The following RHOT1 variants were observed in gnomAD, a reference collection of about 807,000 sequenced individuals.
RHOT1 encodes ras homolog family member T1.
Under a neutral mutation model 95.3 loss-of-function variants are expected in RHOT1, and 27 were observed. The ratio of observed to expected loss-of-function variants is 0.28; its 90% CI spans 0.21 to 0.39. The LOEUF (loss-of-function observed/expected upper bound fraction) is 0.39. Ranked by LOEUF, RHOT1 falls within the 10% of genes least tolerant of loss-of-function variation. The probability of loss-of-function intolerance (pLI) is 1.00; values close to 1 mark genes in which losing one functional copy is unlikely to be tolerated. For synonymous variants in RHOT1, 227 were observed against 263.5 expected (o/e 0.86, Z 1.34); for missense variants, 578 against 786.7 (o/e 0.73, Z 3.17).
Position 32,211,284 on chromosome 17 carries a change from A to C in RHOT1, c.1862+46A>C, listed in dbSNP as rs200985563. On this transcript the variant is annotated intron_variant, in intron 19 of 19. Transcript: ENST00000545287. ...GGTACCAGGCATTCTGTTAAAATACAAAAGAAAAAAGCGGATAACTATTTA... is the reference window on the plus strand; with the variant it reads ...GGTACCAGGCATTCTGTTAAAATACCAAAGAAAAAAGCGGATAACTATTTA... The C allele has an allele frequency of 1.6e-5, 24 of 1,518,896 alleles. No individual in the cohort carries two copies. In the African/African-American group the frequency reaches 3.2e-4, roughly 20 times the overall value. 94.1% of individuals were successfully genotyped at this position (1,518,896 alleles called of 1,614,324 possible).
rs539937406 is a variant in RHOT1 at position 32,166,110 on chromosome 17, C to T, written c.38-4933C>T. Among the ~76,000 whole-genome samples the T allele has an allele frequency of 3.7e-4, 56 of 151,340 alleles. 1 individual carries two copies. The highest frequency in any genetic ancestry group is 1.1e-3 in the African/African-American group (46 of 41,124). On this transcript the variant is annotated intron_variant, in intron 1 of 19. Coordinates refer to ENST00000545287, the MANE Select transcript of RHOT1 (RefSeq NM_001033566.3). ...GGCTGAGACATGAAAATCGCTTGAA[C>T]CTGGGTGGCAGAGGTTGCAGTGAGC...
chr17:32,155,482 T>C (rs2032864522), intron 1 of RHOT1, among the ~76,000 whole-genome samples: 2 of 151,112 alleles, frequency 1.3e-5, no homozygotes, highest in South Asian at 4.2e-4. Flanking sequence ...CTTTTCTTTT[T>C]CTTTCTTTCT....
At chr17:32,206,355 G>A (rs551116944) in intron 16 of RHOT1, among the ~76,000 whole-genome samples, 5 of 148,460 alleles carry the variant, frequency 3.4e-5, no homozygotes, top group South Asian at 2.1e-4. Flanking sequence ...ACAGGCACAC[G>A]TCACTGCACC....
At chr17:32,145,490 C>T (rs1473222038) in intron 1 of RHOT1, among the ~76,000 whole-genome samples, 3 of 152,168 alleles carry the variant, frequency 2.0e-5, no homozygotes, top group African/African-American at 7.2e-5. Flanking sequence ...ATTATCATGG[C>T]AACCTCTGCC....
intron 8 of RHOT1, among the ~76,000 whole-genome samples, chr17:32,190,190 T>TC (rs1482456465): frequency 1.3e-5 from 2 of 152,132 alleles, no homozygotes; most frequent in Non-Finnish European, 2.9e-5. Flanking sequence ...GCGCAATGGA[T>TC]CATGCCTGTA....
chr17:32,197,989 G>A (rs2037033380), intron 11 of RHOT1, among the ~76,000 whole-genome samples: 1 of 152,168 alleles, frequency 6.6e-6, no homozygotes. Context: ...TAACCTCCCA[G>A]GCTTAACCTG....
At chr17:32,209,532 A>C (rs1328377556) in intron 18 of RHOT1, 2 of 785,658 alleles carry the variant, frequency 2.5e-6, no homozygotes, top group Non-Finnish European at 4.2e-6. Context: ...GCCATAATTA[A>C]CATTTAGTAA....
At chr17:32,163,520 C>A (rs191447192) in intron 1 of RHOT1, among the ~76,000 whole-genome samples, 364 of 152,110 alleles carry the variant, frequency 2.4e-3, no homozygotes, top group Middle Eastern at 0.024. Flanking sequence ...ATCACAAGGT[C>A]AAGAGTTCGA....
At chr17:32,173,231 G>T (rs578165107) in intron 2 of RHOT1, among the ~76,000 whole-genome samples, 1 of 152,290 alleles carries the variant, frequency 6.6e-6, no homozygotes, top group African/African-American at 2.4e-5. Flanking sequence ...GGTAATACAA[G>T]TTGAGCATCC....
chr17:32,172,638 G>A (rs2034672689), intron 2 of RHOT1, among the ~76,000 whole-genome samples: 1 of 152,156 alleles, frequency 6.6e-6, no homozygotes, highest in Admixed American at 6.5e-5. Context: ...TTCAAGACCA[G>A]CCTGGCCAAC....
intron 1 of RHOT1, among the ~76,000 whole-genome samples, chr17:32,149,302 T>G (rs1315123245): frequency 6.6e-6 from 1 of 151,402 alleles, no homozygotes; most frequent in African/African-American, 2.4e-5. Context: ...GTCCTATAAC[T>G]TTTATAGTAA....
intron 19 of RHOT1, among the ~76,000 whole-genome samples, chr17:32,212,708 C>T (rs187146097): frequency 1.0e-3 from 152 of 151,980 alleles, no homozygotes; most frequent in Non-Finnish European, 2.0e-3. Context: ...CTATAACTTT[C>T]TCTCTTTAGT....
intron 11 of RHOT1, among the ~76,000 whole-genome samples, chr17:32,197,663 CG>C (rs1334365958): frequency 6.6e-6 from 1 of 152,060 alleles, no homozygotes; most frequent in Non-Finnish European, 1.5e-5. Flanking sequence ...CTCTTGACCT[CG>C]TGATCTGCCC....
rs546912801 is a variant in RHOT1 at position 32,158,422 on chromosome 17, T to A, written c.38-12621T>A. Among the ~76,000 whole-genome samples, 19 of 152,176 alleles carry A rather than the reference T, an allele frequency of 1.2e-4. 1 individual carries two copies. Among genetic ancestry groups the A allele is most frequent in the African/African-American group, 4.1e-4 (17 of 41,524 alleles). ...TATTACAGTGTTTCTCAGTTTTTGT[T>A]TGTTTGTTTTTTGTTTTTTTGAGAC... On this transcript the variant is annotated intron_variant, in intron 1 of 19. Coordinates refer to ENST00000545287, the MANE Select transcript of RHOT1 (RefSeq NM_001033566.3).
intron 4 of RHOT1, 134 bp downstream of exon 4, chr17:32,175,496 C>T: frequency 1.1e-6 from 1 of 878,174 alleles, no homozygotes; most frequent in East Asian, 2.6e-5. Context: ...CTGTCACCCA[C>T]TCTGTCACCC....
intron 19 of RHOT1, among the ~76,000 whole-genome samples, chr17:32,220,129 C>A (rs887921480): frequency 1.5e-4 from 23 of 152,156 alleles, no homozygotes; most frequent in Admixed American, 4.6e-4. Flanking sequence ...CCTGTAATCC[C>A]AGCTCTTTGG....
intron 1 of RHOT1, among the ~76,000 whole-genome samples, chr17:32,168,484 G>A (rs977803662): frequency 6.6e-6 from 1 of 151,880 alleles, no homozygotes; most frequent in African/African-American, 2.4e-5. Context: ...ATGTTACCTA[G>A]GCTGGTCTCA....
chr17:32,189,285 C>T (rs895612426), intron 8 of RHOT1, among the ~76,000 whole-genome samples: 7 of 151,888 alleles, frequency 4.6e-5, no homozygotes, highest in African/African-American at 9.7e-5. Context: ...GGCGACAGAG[C>T]GAGGAGACCC....
At chr17:32,150,230 A>C (rs1395256549) in intron 1 of RHOT1, among the ~76,000 whole-genome samples, 1 of 152,214 alleles carries the variant, frequency 6.6e-6, no homozygotes, top group African/African-American at 2.4e-5. Flanking sequence ...TTATTAAAGT[A>C]GCTGTTATTT....
Sources: gnomAD v4.1 joint callset for allele counts (sites outside exome capture counted in the v4.1 genomes callset) on GRCh38, gnomAD v4.1.1 for gene constraint, MANE v1.5 for transcripts, NCBI Gene and HGNC (gene_info 2026-07-23, HGNC 2026-07-21) for gene names.